GRM3: variants seen among roughly 807,000 people sequenced by gnomAD.
The protein encoded by GRM3 is metabotropic glutamate receptor 3.
Under a neutral mutation model 70.5 loss-of-function variants are expected in GRM3, and 26 were observed. The ratio of observed to expected loss-of-function variants is 0.37; its 90% CI spans 0.27 to 0.51. The LOEUF (loss-of-function observed/expected upper bound fraction) is 0.51, where lower values mean the gene tolerates loss of function less well. Ranked by LOEUF, GRM3 falls within the 20% of genes least tolerant of loss-of-function variation. The pLI is 0.93. For synonymous variants in GRM3, 443 were observed against 434.9 expected, an observed-to-expected ratio of 1.02 and a Z score of -0.23; for missense variants, 859 against 1,123.8, an observed-to-expected ratio of 0.76 and a Z score of 3.37.
At chr7:86,708,110 C>T (rs957181581) in intron 1 of GRM3, among the ~76,000 whole-genome samples, 2 of 152,128 alleles carry the variant, frequency 1.3e-5, no homozygotes, top group Non-Finnish European at 2.9e-5. Flanking sequence ...AGAGCCTACA[C>T]TCTTAATTAA....
intron 1 of GRM3, among the ~76,000 whole-genome samples, chr7:86,755,765 C>T (rs1030443635): frequency 4.6e-5 from 7 of 151,956 alleles, no homozygotes; most frequent in Non-Finnish European, 1.0e-4. Context: ...TCTAGAATGC[C>T]TAAGGGGGTT....
chr7:86,858,935 G>C (rs561430953), intron 5 of GRM3, among the ~76,000 whole-genome samples: 2 of 152,260 alleles, frequency 1.3e-5, no homozygotes, highest in Admixed American at 1.3e-4. Context: ...TAAAGAGGAA[G>C]CAGTCACTGA....
At chr7:86,682,258 C>T (rs1458661342) in intron 1 of GRM3, among the ~76,000 whole-genome samples, 1 of 151,982 alleles carries the variant, frequency 6.6e-6, no homozygotes, top group African/African-American at 2.4e-5. Context: ...ATAAAAATGT[C>T]AATAGAGCAG....
At chr7:86,708,494 C>A (rs755345272) in intron 1 of GRM3, among the ~76,000 whole-genome samples, 16 of 152,174 alleles carry the variant, frequency 1.1e-4, no homozygotes, top group Non-Finnish European at 1.8e-4. Context: ...TGAGGAGAGA[C>A]CAGCCCCTGC....
intron 1 of GRM3, among the ~76,000 whole-genome samples, chr7:86,744,928 C>T (rs1366013634): frequency 6.6e-6 from 1 of 151,972 alleles, no homozygotes; most frequent in African/African-American, 2.4e-5. Flanking sequence ...CTCTTCGACT[C>T]CTAGCCAACA....
chr7:86,827,991 A>G (rs1393225209), intron 3 of GRM3, among the ~76,000 whole-genome samples: 1 of 151,882 alleles, frequency 6.6e-6, no homozygotes, highest in Non-Finnish European at 1.5e-5. Context: ...AGGCACCTGT[A>G]GTCCCAGGTA....
rs565877338 is a variant in GRM3, at chr7:86,722,769, A to G, written c.-140-42237A>G. ...ATATGATAAAAAAAATCCACATATA[A>G]GCAAAAAAAGAAAAATGACTTATCT... is the stretch of plus-strand genomic sequence containing the variant. On this transcript the variant is annotated intron_variant, in intron 1 of 5. Transcript: ENST00000361669. Among the ~76,000 whole-genome samples, 14 of 152,210 alleles carry G rather than the reference A, an allele frequency of 9.2e-5. 1 individual carries two copies. Among genetic ancestry groups the G allele is most frequent in the African/African-American group, 3.4e-4 (14 of 41,554 alleles).
At chr7:86,722,358 C>T (rs1027851236) in intron 1 of GRM3, among the ~76,000 whole-genome samples, 5 of 151,942 alleles carry the variant, frequency 3.3e-5, no homozygotes, top group African/African-American at 9.7e-5. Context: ...AACAAAAATG[C>T]CTGTCAATGA....
At chr7:86,784,455 C>T (rs1797170558) in intron 2 of GRM3, 1 of 152,160 alleles carries the variant, frequency 6.6e-6, no homozygotes, top group Non-Finnish European at 1.5e-5. Flanking sequence ...AACCTCTTAA[C>T]AAAGTCAAGC....
At chr7:86,659,513 C>T (rs946672303) in intron 1 of GRM3, among the ~76,000 whole-genome samples, 1 of 152,016 alleles carries the variant, frequency 6.6e-6, no homozygotes, top group African/African-American at 2.4e-5. Flanking sequence ...CGAATTTGAC[C>T]AGTTGAATAT....
At chr7:86,802,452 A>G (rs1366648312) in intron 3 of GRM3, among the ~76,000 whole-genome samples, 2 of 152,140 alleles carry the variant, frequency 1.3e-5, no homozygotes, top group Non-Finnish European at 2.9e-5. Flanking sequence ...TTATAATGTA[A>G]TTGTTATAAT....
intron 1 of GRM3, among the ~76,000 whole-genome samples, chr7:86,691,733 C>G (rs1794701647): frequency 6.6e-6 from 1 of 152,178 alleles, no homozygotes; most frequent in Non-Finnish European, 1.5e-5. Flanking sequence ...GCTTGGCCTC[C>G]TTTTGCCTCT....
chr7:86,773,364 T>C (rs140725409), intron 2 of GRM3, among the ~76,000 whole-genome samples: 134 of 152,130 alleles, frequency 8.8e-4, no homozygotes, highest in Non-Finnish European at 1.5e-3. Context: ...TATTTATTTA[T>C]TTATTTATTT....
intron 1 of GRM3, among the ~76,000 whole-genome samples, chr7:86,753,177 C>A (rs1273609215): frequency 6.6e-6 from 1 of 152,024 alleles, no homozygotes; most frequent in African/African-American, 2.4e-5. Flanking sequence ...TTTGGAGAGT[C>A]CAGAACACCC....
At chr7:86,847,550 T>C (rs180931474) in intron 4 of GRM3, among the ~76,000 whole-genome samples, 1 of 152,236 alleles carries the variant, frequency 6.6e-6, no homozygotes, top group Non-Finnish European at 1.5e-5. Flanking sequence ...ATTTAAGCCA[T>C]GAAACTCAGT....
At chr7:86,831,321 T>A (rs1327031843) in intron 3 of GRM3, among the ~76,000 whole-genome samples, 5 of 152,162 alleles carry the variant, frequency 3.3e-5, no homozygotes, top group Admixed American at 2.0e-4. Context: ...CTTTTTTTTG[T>A]ATGCATTAAA....
intron 3 of GRM3, among the ~76,000 whole-genome samples, chr7:86,806,359 A>C (rs971615517): frequency 2.0e-5 from 3 of 152,140 alleles, no homozygotes; most frequent in African/African-American, 4.8e-5. Context: ...GTTTATAGTC[A>C]CACCAACAGT....
rs1793905426 is a variant in GRM3 at position 86,661,966 on chromosome 7, AT to A, written c.-141+17100del. Among the ~76,000 whole-genome samples, 5 of 151,910 alleles carry A rather than the reference AT, an allele frequency of 3.3e-5. No individual in the cohort carries two copies. In the South Asian group the frequency reaches 8.3e-4, roughly 25 times the overall value. The stretch of plus-strand genomic sequence containing the variant: ...TTATTTGCACATCTTATATAATAAT[AT>A]TTTTTCCCAAAAACCTACTCATATT... On this transcript the variant is annotated intron_variant, in intron 1 of 5. Coordinates refer to ENST00000361669, the MANE Select transcript of GRM3 (RefSeq NM_000840.3).
intron 2 of GRM3, among the ~76,000 whole-genome samples, chr7:86,774,736 A>G (rs1796843001): frequency 1.3e-5 from 2 of 152,074 alleles, no homozygotes; most frequent in South Asian, 4.1e-4. Flanking sequence ...CAGTGCCTCC[A>G]ATTTCGGTAG....
Sources: allele counts gnomAD v4.1 joint callset (sites outside exome capture counted in the v4.1 genomes callset), GRCh38; gene constraint gnomAD v4.1.1; transcripts MANE v1.5; gene names NCBI Gene and HGNC (gene_info 2026-07-23, HGNC 2026-07-21).